EPB41L5: variants seen among roughly 807,000 people sequenced by gnomAD.
EPB41L5 encodes the protein erythrocyte membrane protein band 4.1 like 5.
In EPB41L5, 55 loss-of-function variants were observed where a neutral mutation model predicts 106.6. The ratio of observed to expected loss-of-function variants is 0.52; its 90% confidence interval spans 0.42 to 0.65. The LOEUF (loss-of-function observed/expected upper bound fraction) is 0.65. Ranked by LOEUF, EPB41L5 falls within the 30% of genes least tolerant of loss-of-function variation. The probability of loss-of-function intolerance (pLI) is 0.00; values close to 1 mark genes in which losing one functional copy is unlikely to be tolerated. For synonymous variants in EPB41L5, 297 were observed against 306.7 expected (o/e 0.97, Z 0.33); for missense variants, 871 against 882.1 (o/e 0.99, Z 0.16).
Position 120,023,508 on chromosome 2 carries a change from T to C in EPB41L5, c.180+4244T>C, listed in dbSNP as rs145786053. Among the ~76,000 whole-genome samples, 691 of 152,316 alleles carry C rather than the reference T, an allele frequency of 4.5e-3. 2 individuals are homozygous for C. The highest frequency in any genetic ancestry group is 7.3e-3 in the Non-Finnish European group (495 of 68,028). On this transcript the variant is annotated intron_variant, in intron 2 of 24. Transcript: ENST00000263713. ...AGGTGGTTGTAGATGTGTGGTGTTATTTCTGAGGCCTCTGTTCTTTTCCAT... is the reference window on the plus strand; with the variant it reads ...AGGTGGTTGTAGATGTGTGGTGTTACTTCTGAGGCCTCTGTTCTTTTCCAT...
intron 2 of EPB41L5, among the ~76,000 whole-genome samples, chr2:120,037,250 G>T (rs537163615): frequency 6.6e-6 from 1 of 152,252 alleles, no homozygotes; most frequent in East Asian, 1.9e-4. Context: ...CTGCTGAGAG[G>T]AATGAAAGAA....
intron 16 of EPB41L5, among the ~76,000 whole-genome samples, chr2:120,120,842 A>T (rs1685184761): frequency 6.6e-6 from 1 of 152,182 alleles, no homozygotes; most frequent in Non-Finnish European, 1.5e-5. Context: ...TAGGCCAGGT[A>T]CAGTGGCTCA....
At chr2:120,015,030 TA>T (rs1319831160) in intron 1 of EPB41L5, among the ~76,000 whole-genome samples, 1 of 149,196 alleles carries the variant, frequency 6.7e-6, no homozygotes, top group Non-Finnish European at 1.5e-5. Flanking sequence ...TTTTTTCCAT[TA>T]AAAAAAATTA....
rs114411680 is a variant in EPB41L5 at position 120,099,159 on chromosome 2, A to G, written c.1179-1085A>G. 8.8e-3 allele frequency among the ~76,000 whole-genome samples: 1,337 copies of G among 152,238 alleles called. 14 individuals carry two copies. The highest frequency in any genetic ancestry group is 0.016 in the South Asian group (77 of 4,826). On this transcript the variant is annotated intron_variant, in intron 14 of 24. Transcript: ENST00000263713. ...GTAAATTATTTTCTCACTTTCAAGG[A>G]ATTTTTTTATATTTTTGAATTATTT...
chr2:120,105,697 C>T (rs1458772773), intron 16 of EPB41L5: 3 of 985,286 alleles, frequency 3.0e-6, no homozygotes, highest in East Asian at 2.3e-4. Flanking sequence ...CGGCTCCCAC[C>T]TCTTTAAGCC....
intron 10 of EPB41L5, among the ~76,000 whole-genome samples, chr2:120,084,062 A>G (rs945068812): frequency 6.6e-6 from 1 of 152,136 alleles, no homozygotes; most frequent in Non-Finnish European, 1.5e-5. Flanking sequence ...CCAATTTGCC[A>G]GTCTGTGTCT....
chr2:120,027,194 A>T (rs1678386401), intron 2 of EPB41L5, among the ~76,000 whole-genome samples: 1 of 152,242 alleles, frequency 6.6e-6, no homozygotes, highest in Non-Finnish European at 1.5e-5. Context: ...ATTTCTAGGT[A>T]TATCTCCAAG....
chr2:120,104,557 A>T lies in EPB41L5; in HGVS notation c.1337+3743A>T, dbSNP rs541099500. On this transcript the variant is annotated intron_variant, in intron 16 of 24. Coordinates refer to ENST00000263713, the MANE Select transcript of EPB41L5 (RefSeq NM_020909.4). ...TCTCAGGAGAAGGTTTGTGTTTGTG[A>T]ACAAGGTGCCCATTATTCCCCCACC... is the stretch of plus-strand genomic sequence containing the variant. 7.2e-5 allele frequency: 73 copies of T among 1,011,536 alleles called. No homozygotes were observed. In the African/African-American group the frequency reaches 1.2e-3, roughly 17 times the overall value. The allele number at this position is 1,011,536 out of a possible 1,614,324, so 62.7% of individuals were successfully genotyped here.
At chr2:120,070,797 T>G (rs927882637) in intron 3 of EPB41L5, among the ~76,000 whole-genome samples, 3 of 152,124 alleles carry the variant, frequency 2.0e-5, no homozygotes, top group Non-Finnish European at 2.9e-5. Context: ...GCCCTTCATG[T>G]TAAAAACTCT....
intron 2 of EPB41L5, among the ~76,000 whole-genome samples, chr2:120,035,500 C>A (rs72840486): frequency 0.046 from 7,002 of 152,180 alleles, 232 homozygotes; most frequent in Non-Finnish European, 0.072. Context: ...ATAGTAAGCG[C>A]TCTATTAATG....
At chr2:120,141,136 C>T (rs1211755304) in intron 18 of EPB41L5, among the ~76,000 whole-genome samples, 3 of 152,180 alleles carry the variant, frequency 2.0e-5, no homozygotes, top group South Asian at 2.1e-4. Flanking sequence ...CCTGACATGC[C>T]TTATGTACTG....
intron 16 of EPB41L5, among the ~76,000 whole-genome samples, chr2:120,115,384 CT>C (rs964013124): frequency 6.6e-6 from 1 of 151,952 alleles, no homozygotes; most frequent in Non-Finnish European, 1.5e-5. Context: ...CATTTCAGTT[CT>C]TTTTTCTTTC....
At chr2:120,097,550 C>T (rs2105385842) in intron 14 of EPB41L5, among the ~76,000 whole-genome samples, 1 of 152,190 alleles carries the variant, frequency 6.6e-6, no homozygotes, top group Admixed American at 6.5e-5. Context: ...GTCATGAATA[C>T]TATAAAGTAT....
chr2:120,025,545 T>A (rs1558803349), intron 2 of EPB41L5, among the ~76,000 whole-genome samples: 1 of 152,314 alleles, frequency 6.6e-6, no homozygotes, highest in East Asian at 1.9e-4. Flanking sequence ...TTTAGCCCAT[T>A]TACATTTAAG....
intron 24 of EPB41L5, among the ~76,000 whole-genome samples, chr2:120,174,484 C>T (rs1193256806): frequency 1.3e-5 from 2 of 150,714 alleles, no homozygotes; most frequent in African/African-American, 4.9e-5. Flanking sequence ...AAAAAAGGAG[C>T]AGCAGCAGCA....
At chr2:120,033,524 G>A (rs909759346) in intron 2 of EPB41L5, among the ~76,000 whole-genome samples, 10 of 151,438 alleles carry the variant, frequency 6.6e-5, no homozygotes, top group East Asian at 5.9e-4. Context: ...CCTAGCCAAC[G>A]TGGTGAAACC....
At position 120,178,205 on chromosome 2, in the gene EPB41L5, T is replaced by C. The variant is rs187702050; in HGVS notation, c.*3298T>C. 6.6e-6 allele frequency: 1 copy of C among 152,364 alleles called. No homozygotes were observed. Among genetic ancestry groups the C allele is most frequent in the East Asian group, 1.9e-4 (1 of 5,196 alleles). The allele number at this position is 152,364 out of a possible 1,614,324, so 9.4% of individuals were successfully genotyped here. A position where few individuals can be genotyped will look rare whatever the true frequency, so the allele number is the denominator to read the frequency against. On this transcript the variant is annotated 3_prime_UTR_variant, in exon 25 of 25. Coordinates refer to ENST00000263713, the MANE Select transcript of EPB41L5 (RefSeq NM_020909.4). The stretch of plus-strand genomic sequence containing the variant: ...AGCCGCTGACCCCTGATGTGAAACT[T>C]TGTAGAGCAGCAGAGTGGCTGCGTG...
chr2:120,041,922 C>G, intron 2 of EPB41L5, 84 bp from the exon 3 acceptor site: 1 of 956,680 alleles, frequency 1.0e-6, no homozygotes. Context: ...TTCAAGAGAT[C>G]TTGTATAACT....
Position 120,129,343 on chromosome 2 carries a change from A to AAAG in EPB41L5, c.1501+1494_1501+1495insGAA, listed in dbSNP as rs1553511897. On this transcript the variant is annotated intron_variant, in intron 17 of 24. Coordinates refer to ENST00000263713, the MANE Select transcript of EPB41L5 (RefSeq NM_020909.4). ...AGAGCAAGACTCTGTCTCAAAAAAA[A>AAAG]AAAGAAAGAAAGAAAGAAAAAATTA... Among the ~76,000 whole-genome samples, 541 of 148,402 alleles carry AAAG rather than the reference A, an allele frequency of 3.6e-3. 2 individuals carry two copies. The highest frequency in any genetic ancestry group is 5.2e-3 in the Non-Finnish European group (352 of 67,202).
Sources: gnomAD v4.1 joint callset for allele counts (sites outside exome capture counted in the v4.1 genomes callset) on GRCh38, gnomAD v4.1.1 for gene constraint, MANE v1.5 for transcripts, NCBI Gene and HGNC (gene_info 2026-07-23, HGNC 2026-07-21) for gene names.